Variants in XRCC1 observed in about 807,000 individuals in gnomAD.
XRCC1 encodes DNA repair protein XRCC1.
In XRCC1, 52 loss-of-function variants were observed where a neutral mutation model predicts 83.3. That is an observed-to-expected ratio of 0.62 (90% CI 0.50 to 0.79). XRCC1 has a LOEUF of 0.79. Ranked by LOEUF, XRCC1 falls within the 30% of genes least tolerant of loss-of-function variation. XRCC1 has a pLI of 0.00. For missense variants in XRCC1, 793 were observed against 823.5 expected (o/e 0.96, Z 0.45); for synonymous variants, 281 against 312.6 (o/e 0.90, Z 1.07).
At position 43,543,699 on chromosome 19, in the gene XRCC1, GAAGAA is replaced by G; in HGVS notation, c.1713-17_1713-13del. The G allele has an allele frequency of 6.2e-7, 1 of 1,613,580 alleles. No individual in the cohort carries two copies. Among genetic ancestry groups the G allele is most frequent in the South Asian group, 1.1e-5 (1 of 91,050 alleles). ...AGTCCTCGAGCTCCCTGGCGGGAGA[GAAGAA>G]AAGAGGTAGAAGGCACATCAGGGAA... On this transcript the variant is annotated splice_polypyrimidine_tract_variant and intron_variant, in intron 15 of 16. Coordinates refer to ENST00000262887, the MANE Select transcript of XRCC1 (RefSeq NM_006297.3).
chr19:43,568,153 G>A (rs1302343220), intron 2 of XRCC1, among the ~76,000 whole-genome samples: 3 of 151,738 alleles, frequency 2.0e-5, no homozygotes, highest in South Asian at 2.1e-4. Context: ...GATTACAGGC[G>A]TGAGCCACCG....
intron 10 of XRCC1, 51 bp from the exon 11 acceptor site, chr19:43,547,028 G>A (rs372606930): frequency 6.3e-6 from 10 of 1,577,258 alleles, no homozygotes; most frequent in Non-Finnish European, 7.8e-6. Flanking sequence ...AAGTGGGGAG[G>A]GCGTTCAGGA....
At chr19:43,558,534 C>T (rs540321286) in intron 3 of XRCC1, among the ~76,000 whole-genome samples, 5 of 148,934 alleles carry the variant, frequency 3.4e-5, no homozygotes, top group African/African-American at 5.0e-5. Flanking sequence ...GGGGCTGAGG[C>T]GGGAGGATCA....
At chr19:43,575,111 T>A in intron 1 of XRCC1, 109 bp from the exon 2 acceptor site, 1 of 921,002 alleles carries the variant, frequency 1.1e-6, no homozygotes, top group South Asian at 1.4e-5. Context: ...ACCCCCAGAT[T>A]TAAGCTCTCC....
intron 10 of XRCC1, among the ~76,000 whole-genome samples, chr19:43,549,364 A>AT (rs1429439990): frequency 1.3e-5 from 2 of 151,920 alleles, no homozygotes; most frequent in East Asian, 3.9e-4. Context: ...GGTTCAAGGG[A>AT]TTCTCCTGCC....
At chr19:43,551,986 C>T (rs900123232) in intron 9 of XRCC1, 31 bp downstream of exon 9, 3 of 1,608,966 alleles carry the variant, frequency 1.9e-6, no homozygotes, top group African/African-American at 2.7e-5. Context: ...GGAGAAACTG[C>T]AGCGGCGCAG....
intron 2 of XRCC1, among the ~76,000 whole-genome samples, chr19:43,561,998 T>G (rs1959189009): frequency 6.6e-6 from 1 of 151,882 alleles, no homozygotes; most frequent in Non-Finnish European, 1.5e-5. Context: ...ATATAAAATA[T>G]AGCCGGGCAT....
intron 2 of XRCC1, among the ~76,000 whole-genome samples, chr19:43,563,234 A>G (rs1180255114): frequency 2.0e-5 from 3 of 152,162 alleles, no homozygotes; most frequent in African/African-American, 7.2e-5. Context: ...CACCCGTAAT[A>G]CCAGCACTTT....
intron 3 of XRCC1, among the ~76,000 whole-genome samples, chr19:43,555,939 G>A (rs1972631722): frequency 6.6e-6 from 1 of 151,956 alleles, no homozygotes; most frequent in African/African-American, 2.4e-5. Flanking sequence ...ACCCAGGCTG[G>A]AGCACAGTGG....
chr19:43,552,914 G>T lies in XRCC1; in HGVS notation c.712-6C>A, dbSNP rs765213529. 7 of 1,612,698 alleles carry T rather than the reference G, an allele frequency of 4.3e-6. No homozygotes were observed. Among genetic ancestry groups the T allele is most frequent in the Middle Eastern group, 1.6e-4 (1 of 6,080 alleles). On this transcript the variant is annotated splice_region_variant and splice_polypyrimidine_tract_variant and intron_variant, in intron 7 of 16. Coordinates refer to ENST00000262887, the MANE Select transcript of XRCC1 (RefSeq NM_006297.3). Reference sequence around the variant, plus strand: ...CCTTTGGGAGACTCCTGGGGCTGAGGGGATGGGGATGGATTGAGGCCTCCA... The same window carrying T: ...CCTTTGGGAGACTCCTGGGGCTGAGTGGATGGGGATGGATTGAGGCCTCCA...
intron 10 of XRCC1, among the ~76,000 whole-genome samples, chr19:43,550,362 AAAG>A (rs956174102): frequency 5.5e-4 from 83 of 152,144 alleles, no homozygotes; most frequent in Admixed American, 4.8e-3. Flanking sequence ...TGAACCTAGA[AAAG>A]AACTTTCAGC....
intron 14 of XRCC1, among the ~76,000 whole-genome samples, chr19:43,545,306 C>T (rs941975379): frequency 5.3e-5 from 8 of 152,206 alleles, no homozygotes; most frequent in Non-Finnish European, 7.3e-5. Flanking sequence ...AGAGTTTCCC[C>T]ATTTCCTTTT....
chr19:43,545,692 G>A, intron 14 of XRCC1, 126 bp downstream of exon 14: 3 of 1,262,686 alleles, frequency 2.4e-6, no homozygotes, highest in East Asian at 4.7e-5. Flanking sequence ...GCAGGGAGTG[G>A]GTTGAGGAAG....
rs937333869 is a variant in XRCC1, at chr19:43,549,180, G to T, written c.1200-2203C>A. Among the ~76,000 whole-genome samples the T allele has an allele frequency of 2.0e-5, 3 of 151,584 alleles. No individual in the cohort carries two copies. The East Asian group carries it at 5.8e-4, about 29-fold the overall frequency. ...TTTTCTTCAAAGTGCTCTATTCAAA[G>T]ATTAAAAAAAAAACTAAATTTGTGC... On this transcript the variant is annotated intron_variant, in intron 10 of 16. Transcript: ENST00000262887.
At chr19:43,546,798 G>A in intron 11 of XRCC1, 71 bp from the exon 12 acceptor site, 1 of 1,595,762 alleles carries the variant, frequency 6.3e-7, no homozygotes. Flanking sequence ...ACCTGCAAGA[G>A]GCAAGAGTGG....
intron 1 of XRCC1, 49 bp downstream of exon 1, chr19:43,575,359 C>T: frequency 6.4e-7 from 1 of 1,552,542 alleles, no homozygotes; most frequent in South Asian, 1.2e-5. Context: ...AAGAGCTATC[C>T]TCATTAATTC....
At chr19:43,546,357 T>C (rs1600041773) in intron 12 of XRCC1, among the ~76,000 whole-genome samples, 2 of 78,428 alleles carry the variant, frequency 2.6e-5, no homozygotes, top group African/African-American at 5.2e-5. Flanking sequence ...CCCCAGCCCC[T>C]CCTCCCTCAG....
chr19:43,551,526 T>G (rs1972573973), intron 10 of XRCC1, 45 bp downstream of exon 10: 1 of 1,533,214 alleles, frequency 6.5e-7, no homozygotes, highest in African/African-American at 1.4e-5. Flanking sequence ...TTCCTGGCAT[T>G]GCCCAGCACA....
chr19:43,570,617 C>T (rs143528278), intron 2 of XRCC1, among the ~76,000 whole-genome samples: 36 of 152,268 alleles, frequency 2.4e-4, no homozygotes, highest in African/African-American at 8.2e-4. Flanking sequence ...GACCCCATCT[C>T]TACGAAAAAT....
Sources: allele counts gnomAD v4.1 joint callset (sites outside exome capture counted in the v4.1 genomes callset), GRCh38; gene constraint gnomAD v4.1.1; transcripts MANE v1.5; gene names NCBI Gene and HGNC (gene_info 2026-07-23, HGNC 2026-07-21).